Variants in DTNA observed in about 807,000 individuals in gnomAD.
The protein encoded by DTNA is dystrophin-related protein 3.
In DTNA, 43 loss-of-function variants were observed where a neutral mutation model predicts 100.7. The observed-to-expected ratio is 0.43, with a 90% CI of 0.33 to 0.55. The LOEUF is 0.55. Ranked by LOEUF, DTNA falls within the 20% of genes least tolerant of loss-of-function variation. The probability of loss-of-function intolerance (pLI) is 0.04; values close to 1 mark genes in which losing one functional copy is unlikely to be tolerated. For synonymous variants in DTNA, 349 were observed against 347.9 expected, an observed-to-expected ratio of 1.00 and a Z score of -0.04; for missense variants, 798 against 953.9, an observed-to-expected ratio of 0.84 and a Z score of 2.15.
At chr18:34,781,344 G>T (rs753274921) in intron 3 of DTNA, among the ~76,000 whole-genome samples, 3 of 152,072 alleles carry the variant, frequency 2.0e-5, no homozygotes, top group Non-Finnish European at 2.9e-5. Flanking sequence ...ATTAAAACAG[G>T]CTAATTGACA....
intron 1 of DTNA, among the ~76,000 whole-genome samples, chr18:34,731,448 C>G (rs997622306): frequency 5.3e-5 from 8 of 151,314 alleles, no homozygotes; most frequent in African/African-American, 1.9e-4. Context: ...CACTGCAGTC[C>G]GCAGTCCAGC....
chr18:34,829,160 C>A, intron 10 of DTNA: 2 of 1,612,962 alleles, frequency 1.2e-6, no homozygotes, highest in Non-Finnish European at 1.7e-6. Flanking sequence ...ACCCATTAAC[C>A]CAAAATATGA....
At chr18:34,631,150 G>A (rs2058033973) in intron 1 of DTNA, among the ~76,000 whole-genome samples, 1 of 152,084 alleles carries the variant, frequency 6.6e-6, no homozygotes, top group Non-Finnish European at 1.5e-5. Context: ...ATAGTAGAGG[G>A]GTTTAAAGCA....
intron 1 of DTNA, among the ~76,000 whole-genome samples, chr18:34,659,351 T>A (rs938809685): frequency 1.3e-5 from 2 of 152,220 alleles, no homozygotes; most frequent in African/African-American, 4.8e-5. Context: ...TATTCCTTTT[T>A]TGTACTGTAT....
intron 15 of DTNA, among the ~76,000 whole-genome samples, chr18:34,854,742 G>C (rs1336091159): frequency 6.6e-6 from 1 of 152,174 alleles, no homozygotes; most frequent in Non-Finnish European, 1.5e-5. Flanking sequence ...CCATCCATTG[G>C]GGAAGGGACC....
intron 1 of DTNA, among the ~76,000 whole-genome samples, chr18:34,576,005 T>C (rs1158925197): frequency 2.6e-5 from 4 of 152,158 alleles, no homozygotes; most frequent in Non-Finnish European, 4.4e-5. Flanking sequence ...TAAGTTTTTC[T>C]TCATCTGGAG....
At chr18:34,514,037 A>C (rs913063397) in intron 1 of DTNA, 1 of 152,142 alleles carries the variant, frequency 6.6e-6, no homozygotes, top group African/African-American at 2.4e-5. Context: ...ATCTCATTTA[A>C]ATTGTGCACA....
intron 1 of DTNA, among the ~76,000 whole-genome samples, chr18:34,667,579 T>C (rs2076120302): frequency 6.6e-6 from 1 of 152,220 alleles, no homozygotes; most frequent in African/African-American, 2.4e-5. Flanking sequence ...ATAGCTCTTA[T>C]TATTTTTAGA....
intron 1 of DTNA, among the ~76,000 whole-genome samples, chr18:34,750,442 C>T (rs72955108): frequency 0.021 from 3,140 of 152,192 alleles, 43 homozygotes; most frequent in Non-Finnish European, 0.031. Context: ...GCCTGTTAAT[C>T]GCCAAGTCCT....
chr18:34,700,981 G>A (rs73416456), intron 1 of DTNA, among the ~76,000 whole-genome samples: 4,148 of 152,134 alleles, frequency 0.027, 213 homozygotes, highest in African/African-American at 0.095. Context: ...CATACACTCT[G>A]TATCCTATCT....
At chr18:34,815,684 G>A in intron 6 of DTNA, 1 of 498,778 alleles carries the variant, frequency 2.0e-6, no homozygotes, top group Admixed American at 3.2e-5. Context: ...TATTGACTCA[G>A]CCTCAGTGGA....
At chr18:34,813,296 A>C (rs1297753626) in intron 6 of DTNA, among the ~76,000 whole-genome samples, 1 of 151,898 alleles carries the variant, frequency 6.6e-6, no homozygotes, top group East Asian at 1.9e-4. Context: ...GGGAAACCCC[A>C]TTTCTACGAA....
At chr18:34,875,444 T>G in intron 18 of DTNA, 46 bp downstream of exon 18, 1 of 1,613,566 alleles carries the variant, frequency 6.2e-7, no homozygotes, top group Non-Finnish European at 8.5e-7. Flanking sequence ...ATGTGGCAAA[T>G]AGGTCACCAA....
chr18:34,663,945 A>T (rs1377052655), intron 1 of DTNA, among the ~76,000 whole-genome samples: 2 of 152,316 alleles, frequency 1.3e-5, no homozygotes, highest in African/African-American at 4.8e-5. Context: ...AGATTTTTTT[A>T]AAAACTATAC....
intron 21 of DTNA, among the ~76,000 whole-genome samples, chr18:34,883,018 G>A (rs1037836620): frequency 1.3e-5 from 2 of 152,156 alleles, no homozygotes; most frequent in African/African-American, 4.8e-5. Flanking sequence ...AGATGTACTG[G>A]AGTATGTTAG....
chr18:34,870,598 A>G (rs962822264), intron 17 of DTNA, among the ~76,000 whole-genome samples: 11 of 152,290 alleles, frequency 7.2e-5, no homozygotes, highest in Non-Finnish European at 1.5e-4. Context: ...TCTCTGCTTA[A>G]AAACCTAGGA....
chr18:34,642,628 G>T (rs1463443180), intron 1 of DTNA, among the ~76,000 whole-genome samples: 1 of 151,450 alleles, frequency 6.6e-6, no homozygotes, highest in Non-Finnish European at 1.5e-5. Context: ...GCGCGATCTC[G>T]GCTCACTGCG....
At chr18:34,686,845 G>A (rs2078976034) in intron 1 of DTNA, among the ~76,000 whole-genome samples, 1 of 151,872 alleles carries the variant, frequency 6.6e-6, no homozygotes, top group Middle Eastern at 3.4e-3. Context: ...GTCTGTTCAG[G>A]GATTCAACTT....
At position 34,793,611 on chromosome 18, in the gene DTNA, T is replaced by A. The variant is rs1216651355; in HGVS notation, c.149-426T>A. On this transcript the variant is annotated intron_variant, in intron 3 of 22. Coordinates refer to ENST00000444659, the MANE Select transcript of DTNA (RefSeq NM_001386795.1). ...CCTTTCAAACACTAGAATTTAAATG[T>A]TGGCCTTTTCTTTTTGAGGGGGCAG... 4.6e-5 allele frequency among the ~76,000 whole-genome samples: 7 copies of A among 152,350 alleles called. No individual in the cohort carries two copies. In the East Asian group the frequency reaches 1.4e-3, roughly 29 times the overall value.
Sources: allele counts gnomAD v4.1 joint callset (sites outside exome capture counted in the v4.1 genomes callset), GRCh38; gene constraint gnomAD v4.1.1; transcripts MANE v1.5; gene names NCBI Gene and HGNC (gene_info 2026-07-23, HGNC 2026-07-21).